COL4A1: variants seen among roughly 807,000 people sequenced by gnomAD.
COL4A1 encodes collagen type IV alpha 1 chain, also known as collagen alpha-1(IV) chain.
Under a neutral mutation model 216.6 loss-of-function variants are expected in COL4A1, and 40 were observed. The observed-to-expected ratio is 0.18, with a 90% confidence interval of 0.14 to 0.24. The LOEUF is 0.24. Ranked by LOEUF, COL4A1 falls within the 10% of genes least tolerant of loss-of-function variation. The pLI is 1.00. For missense variants in COL4A1, 1,628 were observed against 2,196.8 expected, an observed-to-expected ratio of 0.74 and a Z score of 5.18; for synonymous variants, 839 against 810.7, an observed-to-expected ratio of 1.03 and a Z score of -0.59.
intron 1 of COL4A1, among the ~76,000 whole-genome samples, chr13:110,272,669 G>A (rs985460253): frequency 1.3e-5 from 2 of 152,204 alleles, no homozygotes; most frequent in Non-Finnish European, 2.9e-5. Flanking sequence ...AAGCCGGGAA[G>A]GCCAGTACCT....
At chr13:110,228,572 A>G (rs1243062868) in intron 2 of COL4A1, among the ~76,000 whole-genome samples, 1 of 152,214 alleles carries the variant, frequency 6.6e-6, no homozygotes, top group Admixed American at 6.5e-5. Flanking sequence ...GAAGACACAC[A>G]TTTAGGATTA....
At chr13:110,155,151 G>A (rs1876715647) in intron 50 of COL4A1, 132 bp downstream of exon 50, 8 of 753,314 alleles carry the variant, frequency 1.1e-5, no homozygotes, top group Non-Finnish European at 1.9e-5. Context: ...GAAGGGGATG[G>A]TTGGAGGAAG....
intron 1 of COL4A1, among the ~76,000 whole-genome samples, chr13:110,261,704 T>G (rs1347402616): frequency 6.6e-6 from 1 of 152,204 alleles, no homozygotes; most frequent in Non-Finnish European, 1.5e-5. Context: ...CTGAGGGCGC[T>G]TCCTGTGAGC....
chr13:110,166,370 ATATC>A, intron 44 of COL4A1, 67 bp from the exon 45 acceptor site: 1 of 997,182 alleles, frequency 1.0e-6, no homozygotes, highest in Middle Eastern at 2.0e-4. Context: ...GTGTGTGTAT[ATATC>A]TCTCTCTAGT....
At chr13:110,244,712 T>C (rs1399238355) in intron 1 of COL4A1, among the ~76,000 whole-genome samples, 2 of 152,316 alleles carry the variant, frequency 1.3e-5, no homozygotes, top group African/African-American at 4.8e-5. Context: ...TGTTTACTTC[T>C]GTGTCTCCCC....
intron 20 of COL4A1, among the ~76,000 whole-genome samples, chr13:110,200,131 A>G (rs1879113363): frequency 6.6e-6 from 1 of 152,284 alleles, no homozygotes. Context: ...AAGGCTGCGA[A>G]CACTCCGTTG....
intron 12 of COL4A1, among the ~76,000 whole-genome samples, chr13:110,208,482 C>T (rs1001376975): frequency 6.6e-6 from 1 of 152,184 alleles, no homozygotes; most frequent in African/African-American, 2.4e-5. Flanking sequence ...GGTGGACTCC[C>T]GCTCTGCAGG....
intron 18 of COL4A1, 152 bp downstream of exon 18, chr13:110,203,414 G>T: frequency 2.6e-6 from 2 of 776,914 alleles, no homozygotes; most frequent in Admixed American, 2.2e-5. Context: ...GACAGCTGTG[G>T]GTGTGTGCCC....
intron 1 of COL4A1, among the ~76,000 whole-genome samples, chr13:110,297,881 G>C (rs983720721): frequency 2.7e-5 from 4 of 150,842 alleles, no homozygotes; most frequent in African/African-American, 9.8e-5. Flanking sequence ...TTCCTACTTT[G>C]TTTTCATGTG....
At chr13:110,256,271 G>C (rs919133558) in intron 1 of COL4A1, among the ~76,000 whole-genome samples, 1 of 152,114 alleles carries the variant, frequency 6.6e-6, no homozygotes, top group African/African-American at 2.4e-5. Context: ...CTAGTCCGGG[G>C]GGAAAAACAC....
intron 1 of COL4A1, among the ~76,000 whole-genome samples, chr13:110,279,820 G>A (rs1250861422): frequency 3.9e-5 from 6 of 152,172 alleles, no homozygotes; most frequent in Admixed American, 2.6e-4. Context: ...CTACTATTCA[G>A]TGAGTCCCTT....
rs533801055 is a variant in COL4A1 at position 110,216,322 on chromosome 13, G to A, written c.145-2307C>T. ...ATGGCAGAAAATCCTGCTGTAAGGA[G>A]TTACAGTGCACAAGGTCACCAATCT... is the stretch of plus-strand genomic sequence containing the variant. On this transcript the variant is annotated intron_variant, in intron 2 of 51. Coordinates refer to ENST00000375820, the MANE Select transcript of COL4A1 (RefSeq NM_001845.6). 4.6e-5 allele frequency among the ~76,000 whole-genome samples: 7 copies of A among 152,316 alleles called. No homozygotes were observed. The South Asian group carries it at 1.5e-3, about 32-fold the overall frequency.
intron 1 of COL4A1, chr13:110,305,985 T>C (rs1479426905): frequency 6.6e-6 from 1 of 152,036 alleles, no homozygotes; most frequent in Non-Finnish European, 1.5e-5. Context: ...AGGGAGAAAC[T>C]GCAAAATCTG....
intron 2 of COL4A1, among the ~76,000 whole-genome samples, chr13:110,218,631 T>A (rs1880212840): frequency 6.6e-6 from 1 of 152,122 alleles, no homozygotes; most frequent in African/African-American, 2.4e-5. Flanking sequence ...CACATACGAA[T>A]CCTAAAAACT....
intron 24 of COL4A1, chr13:110,191,502 T>C (rs1878623614): frequency 2.1e-6 from 1 of 477,854 alleles, no homozygotes; most frequent in Non-Finnish European, 3.7e-6. Context: ...AATAATGTCC[T>C]TCAAAATTCA....
intron 36 of COL4A1, among the ~76,000 whole-genome samples, chr13:110,175,685 T>C (rs1249403058): frequency 6.6e-6 from 1 of 152,224 alleles, no homozygotes; most frequent in Non-Finnish European, 1.5e-5. Flanking sequence ...CTTATGTTCT[T>C]TATTATACAG....
At chr13:110,188,712 C>G (rs917332232) in intron 24 of COL4A1, among the ~76,000 whole-genome samples, 8 of 152,174 alleles carry the variant, frequency 5.3e-5, no homozygotes, top group African/African-American at 1.9e-4. Flanking sequence ...AGAGGTGGGG[C>G]TTGAAGGACT....
intron 18 of COL4A1, 25 bp from the exon 19 acceptor site, chr13:110,201,547 C>A: frequency 6.3e-7 from 1 of 1,595,952 alleles, no homozygotes; most frequent in South Asian, 1.1e-5. Flanking sequence ...AAAAGGTGAT[C>A]ATCCCGTGGC....
rs536431825 is a variant in COL4A1, at chr13:110,230,255, T to A, written c.144+12420A>T. ...GTGTGTGGTATGTATGTGTGTGTGGTGTGTGTATATGTTATGTGTGTGGTG... is the reference window on the plus strand; with the variant it reads ...GTGTGTGGTATGTATGTGTGTGTGGAGTGTGTATATGTTATGTGTGTGGTG... On this transcript the variant is annotated intron_variant, in intron 2 of 51. Coordinates refer to ENST00000375820, the MANE Select transcript of COL4A1 (RefSeq NM_001845.6). Among the ~76,000 whole-genome samples the A allele has an allele frequency of 4.6e-5, 7 of 151,836 alleles. No homozygotes were observed. In the East Asian group the frequency reaches 1.2e-3, roughly 25 times the overall value.
Sources: allele counts gnomAD v4.1 joint callset (sites outside exome capture counted in the v4.1 genomes callset), GRCh38; gene constraint gnomAD v4.1.1; transcripts MANE v1.5; gene names NCBI Gene and HGNC (gene_info 2026-07-23, HGNC 2026-07-21).